The following FRMD6 variants were observed in gnomAD, a reference collection of about 807,000 sequenced individuals.
FRMD6 encodes FERM domain-containing protein 6.
Under a neutral mutation model 73.2 loss-of-function variants are expected in FRMD6, and 37 were observed. The ratio of observed to expected loss-of-function variants is 0.51; its 90% CI spans 0.39 to 0.66. The LOEUF (loss-of-function observed/expected upper bound fraction) is 0.66. Ranked by LOEUF, FRMD6 falls within the 30% of genes least tolerant of loss-of-function variation. The pLI, the probability that FRMD6 is intolerant of heterozygous loss-of-function variation, is 0.00. For missense variants in FRMD6, 714 were observed against 780.5 expected (o/e 0.91, Z 1.02); for synonymous variants, 273 against 282.2 (o/e 0.97, Z 0.33).
chr14:51,603,072 T>C (rs1210632850), intron 2 of FRMD6, among the ~76,000 whole-genome samples: 1 of 152,196 alleles, frequency 6.6e-6, no homozygotes, highest in Non-Finnish European at 1.5e-5. Flanking sequence ...ATGAGATTAG[T>C]GCCCTTATAA....
intron 2 of FRMD6, among the ~76,000 whole-genome samples, chr14:51,690,971 A>G (rs7142827): frequency 0.4 from 61,163 of 151,978 alleles, 13,260 homozygotes; most frequent in Non-Finnish European, 0.5. Context: ...TCACTGTTTG[A>G]GATATAAAAC....
At chr14:51,486,537 A>G (rs1882763758), upstream of FRMD6, among the ~76,000 whole-genome samples, 1 of 152,238 alleles carries the variant, frequency 6.6e-6, no homozygotes, top group Non-Finnish European at 1.5e-5. Context: ...ACCTGTTATC[A>G]TAACTGGCAC....
chr14:51,413,683 A>G, the FRMD6 span, among the ~76,000 whole-genome samples: 2 of 152,180 alleles, frequency 1.3e-5, no homozygotes, highest in African/African-American at 2.4e-5. Flanking sequence ...CAGTAATAGG[A>G]TTGCTGGGTC....
chr14:51,714,523 C>G (rs1340402206), intron 9 of FRMD6: 1 of 152,154 alleles, frequency 6.6e-6, no homozygotes, highest in Non-Finnish European at 1.5e-5. Context: ...TTCATAATAT[C>G]CCATAACTGT....
chr14:51,636,073 A>T (rs1891543466), intron 2 of FRMD6, among the ~76,000 whole-genome samples: 1 of 152,178 alleles, frequency 6.6e-6, no homozygotes, highest in Non-Finnish European at 1.5e-5. Context: ...TCTTAGGGAG[A>T]AACATTTAAT....
chr14:51,437,324 A>T, the FRMD6 span, among the ~76,000 whole-genome samples: 3 of 152,174 alleles, frequency 2.0e-5, no homozygotes, highest in Admixed American at 2.0e-4. Flanking sequence ...TCCTTTTGGG[A>T]TGGAGTCTCG....
intron 2 of FRMD6, among the ~76,000 whole-genome samples, chr14:51,611,528 A>C (rs1348711607): frequency 6.6e-6 from 1 of 152,232 alleles, no homozygotes; most frequent in Non-Finnish European, 1.5e-5. Flanking sequence ...AAGTACGGTC[A>C]AGATTGAGAA....
At chr14:51,558,819 G>C (rs1887308131) in intron 1 of FRMD6, among the ~76,000 whole-genome samples, 1 of 152,004 alleles carries the variant, frequency 6.6e-6, no homozygotes, top group Admixed American at 6.6e-5. Flanking sequence ...TTCACTGTCA[G>C]GATGCCACCT....
chr14:51,525,874 C>G (rs1306615317), intron 1 of FRMD6, among the ~76,000 whole-genome samples: 1 of 152,094 alleles, frequency 6.6e-6, no homozygotes, highest in Non-Finnish European at 1.5e-5. Flanking sequence ...AGACTCTGCC[C>G]TCAGGAAGTT....
At position 51,541,699 on chromosome 14, in the gene FRMD6, G is replaced by C. The variant is rs1484791552; in HGVS notation, c.-209-28649G>C. On this transcript the variant is annotated intron_variant, in intron 1 of 14. Transcript: ENST00000356218. ...TAGAAACAAAAATTGCTGAAAACAT[G>C]AGAGAGAAGAAAAGAATGAGGTCAA... Among the ~76,000 whole-genome samples, 4 of 152,020 alleles carry C rather than the reference G, an allele frequency of 2.6e-5. No homozygotes were observed. The East Asian group carries it at 7.7e-4, about 29-fold the overall frequency.
intron 1 of FRMD6, among the ~76,000 whole-genome samples, chr14:51,535,224 T>G (rs1458983452): frequency 1.3e-5 from 2 of 152,168 alleles, no homozygotes; most frequent in African/African-American, 2.4e-5. Flanking sequence ...CACATAAAAT[T>G]TGTCCCTTTA....
chr14:51,420,033 T>G, the FRMD6 span, among the ~76,000 whole-genome samples: 2 of 152,068 alleles, frequency 1.3e-5, no homozygotes, highest in Non-Finnish European at 2.9e-5. Context: ...CCTGCGCTTT[T>G]TAGGTGCGAC....
chr14:51,525,525 C>T (rs941400229), intron 1 of FRMD6, among the ~76,000 whole-genome samples: 127 of 152,134 alleles, frequency 8.3e-4, no homozygotes, highest in Non-Finnish European at 5.7e-4. Flanking sequence ...CCTTGTGATC[C>T]GCCTGCCTCA....
chr14:51,470,225 A>C, the FRMD6 span, among the ~76,000 whole-genome samples: 2,984 of 152,284 alleles, frequency 0.02, 55 homozygotes, highest in Non-Finnish European at 0.029. Context: ...TTTTTTAAAA[A>C]ATCAGCTTTT....
chr14:51,419,350 A>G, the FRMD6 span, among the ~76,000 whole-genome samples: 1 of 152,202 alleles, frequency 6.6e-6, no homozygotes, highest in Non-Finnish European at 1.5e-5. Flanking sequence ...GGGTTTCACC[A>G]TCTTGGCCAG....
At chr14:51,702,651 C>A (rs1326201676) in intron 5 of FRMD6, 63 bp downstream of exon 5, 2 of 1,253,152 alleles carry the variant, frequency 1.6e-6, no homozygotes, top group African/African-American at 1.5e-5. Flanking sequence ...TTCTAACATA[C>A]CAAATAAGTT....
At chr14:51,677,798 A>G (rs769168049) in intron 1 of FRMD6, among the ~76,000 whole-genome samples, 6 of 152,116 alleles carry the variant, frequency 3.9e-5, no homozygotes, top group Non-Finnish European at 8.8e-5. Flanking sequence ...TAGTTCAACT[A>G]TTCCCTGCCC....
chr14:51,448,252 C>CT, the FRMD6 span, among the ~76,000 whole-genome samples: 2 of 152,320 alleles, frequency 1.3e-5, no homozygotes, highest in South Asian at 4.1e-4. Flanking sequence ...AGCATTCATT[C>CT]TTACTGTATT....
At chr14:51,499,167 T>G (rs1461229706) in intron 1 of FRMD6, among the ~76,000 whole-genome samples, 2 of 152,198 alleles carry the variant, frequency 1.3e-5, no homozygotes, top group African/African-American at 4.8e-5. Flanking sequence ...AATAAACACA[T>G]GTTTCTTGAT....
Sources: gnomAD v4.1 joint callset for allele counts (sites outside exome capture counted in the v4.1 genomes callset) on GRCh38, gnomAD v4.1.1 for gene constraint, MANE v1.5 for transcripts, NCBI Gene and HGNC (gene_info 2026-07-23, HGNC 2026-07-21) for gene names.